The following CFAP299 variants were observed in gnomAD, a reference collection of about 807,000 sequenced individuals.
CFAP299 encodes the protein cilia and flagella associated protein 299, also known as cilia- and flagella-associated protein 299.
Under a neutral mutation model 27.0 loss-of-function variants are expected in CFAP299, and 21 were observed. The observed-to-expected ratio is 0.78, with a 90% CI of 0.55 to 1.12. CFAP299 has a LOEUF of 1.12. CFAP299 is among the 50% of genes most tolerant of loss of function. The probability of loss-of-function intolerance (pLI) is 0.00; values close to 1 mark genes in which losing one functional copy is unlikely to be tolerated. For missense variants in CFAP299, 310 were observed against 276.6 expected (o/e 1.12, Z -0.86); for synonymous variants, 104 against 98.1 (o/e 1.06, Z -0.36).
intron 3 of CFAP299, among the ~76,000 whole-genome samples, chr4:80,636,517 T>C (rs1426571834): frequency 1.3e-5 from 2 of 152,218 alleles, no homozygotes; most frequent in South Asian, 2.1e-4. Context: ...ATATTAGAGA[T>C]TGATAGCATC....
intron 3 of CFAP299, among the ~76,000 whole-genome samples, chr4:80,716,374 A>T (rs1320377567): frequency 6.7e-6 from 1 of 150,146 alleles, no homozygotes; most frequent in Non-Finnish European, 1.5e-5. Context: ...GATAGTATTG[A>T]TATATTCTAT....
intron 2 of CFAP299, among the ~76,000 whole-genome samples, chr4:80,408,354 G>A (rs749940751): frequency 1.2e-4 from 18 of 152,042 alleles, no homozygotes; most frequent in Admixed American, 4.6e-4. Context: ...TTTATGTTCC[G>A]AATCACTAAA....
At chr4:80,377,803 AAAGACATAC>A (rs1395828622) in intron 2 of CFAP299, among the ~76,000 whole-genome samples, 1 of 152,178 alleles carries the variant, frequency 6.6e-6, no homozygotes, top group Admixed American at 6.5e-5. Context: ...TGATCCTAAT[AAAGACATAC>A]TTGAGACTGG....
chr4:80,469,064 T>C (rs1422918882), intron 2 of CFAP299, among the ~76,000 whole-genome samples: 2 of 152,232 alleles, frequency 1.3e-5, no homozygotes, highest in East Asian at 1.9e-4. Flanking sequence ...AAATGTGCTA[T>C]ATATTTAGAA....
At chr4:80,503,022 T>C (rs1322809127) in intron 2 of CFAP299, among the ~76,000 whole-genome samples, 1 of 152,116 alleles carries the variant, frequency 6.6e-6, no homozygotes, top group Admixed American at 6.6e-5. Context: ...AGGTGGAAAT[T>C]GAAGGCAGTG....
At chr4:80,800,484 A>C (rs9686001) in intron 3 of CFAP299, among the ~76,000 whole-genome samples, 1 of 2,182 alleles carries the variant, frequency 4.6e-4, no homozygotes, top group African/African-American at 7.2e-4. Context: ...TATATTATAT[A>C]ATATATAATA....
intron 4 of CFAP299, among the ~76,000 whole-genome samples, chr4:80,898,361 G>C (rs1489048575): frequency 1.3e-5 from 2 of 152,008 alleles, no homozygotes; most frequent in African/African-American, 2.4e-5. Flanking sequence ...CCTTTAAGCT[G>C]TTTCTCTGAA....
chr4:80,809,903 C>CAGAT (rs569102081), intron 3 of CFAP299, among the ~76,000 whole-genome samples: 2 of 152,200 alleles, frequency 1.3e-5, no homozygotes, highest in South Asian at 4.1e-4. Context: ...CATCACTTAC[C>CAGAT]AGATACATCA....
Position 80,409,872 on chromosome 4 carries a change from G to A in CFAP299, c.242+46988G>A, listed in dbSNP as rs1994982. Among the ~76,000 whole-genome samples, 6 of 152,188 alleles carry A rather than the reference G, an allele frequency of 3.9e-5. No individual in the cohort carries two copies. The East Asian group carries it at 9.7e-4, about 25-fold the overall frequency. Reference sequence around the variant, plus strand: ...TCACTTGGAATGTTTTATCAAGAGAGGGATACAGAAGTGAAAAGTAATCTC... The same window carrying A: ...TCACTTGGAATGTTTTATCAAGAGAAGGATACAGAAGTGAAAAGTAATCTC... On this transcript the variant is annotated intron_variant, in intron 2 of 5. Transcript: ENST00000358105.
intron 4 of CFAP299, among the ~76,000 whole-genome samples, chr4:80,936,166 T>A (rs746843229): frequency 2.6e-5 from 4 of 152,086 alleles, no homozygotes; most frequent in African/African-American, 4.8e-5. Flanking sequence ...TGTGGAGAAA[T>A]GGGAATGCAT....
chr4:80,520,112 T>C, intron 2 of CFAP299, among the ~76,000 whole-genome samples: 1 of 152,326 alleles, frequency 6.6e-6, no homozygotes, highest in Non-Finnish European at 1.5e-5. Flanking sequence ...TGATGACTTT[T>C]AAAGCTATTT....
intron 3 of CFAP299, among the ~76,000 whole-genome samples, chr4:80,780,397 T>C (rs1251720232): frequency 6.6e-6 from 1 of 152,106 alleles, no homozygotes; most frequent in Non-Finnish European, 1.5e-5. Context: ...TAAGAAATCT[T>C]AGACAAAGTA....
chr4:80,400,296 A>G (rs1220523491), intron 2 of CFAP299, among the ~76,000 whole-genome samples: 3 of 152,074 alleles, frequency 2.0e-5, no homozygotes, highest in Non-Finnish European at 4.4e-5. Context: ...AACGCTCACA[A>G]CTATCTTGAT....
chr4:80,625,962 G>A (rs985651714), intron 3 of CFAP299, among the ~76,000 whole-genome samples: 1 of 151,808 alleles, frequency 6.6e-6, no homozygotes, highest in African/African-American at 2.4e-5. Flanking sequence ...CCCCACTTCT[G>A]GAAATGGGCA....
chr4:80,333,115 A>G (rs79329954), upstream of CFAP299, among the ~76,000 whole-genome samples: 10,126 of 152,182 alleles, frequency 0.067, 365 homozygotes, highest in Middle Eastern at 0.18. Flanking sequence ...CACACTGTCA[A>G]TGACAAGGCA....
In CFAP299 at chr4:80,441,502, T is replaced by C. The variant is rs992848751; in HGVS notation, c.242+78618T>C. ...ATAAAATCCTTTACAGACAAACAAATGCTGAGAGATTTTGTCATCACCAGG... is the reference window on the plus strand; with the variant it reads ...ATAAAATCCTTTACAGACAAACAAACGCTGAGAGATTTTGTCATCACCAGG... On this transcript the variant is annotated intron_variant, in intron 2 of 5. Coordinates refer to ENST00000358105, the MANE Select transcript of CFAP299 (RefSeq NM_152770.3). Among the ~76,000 whole-genome samples the C allele has an allele frequency of 2.0e-5, 3 of 152,164 alleles. No homozygotes were observed. The East Asian group carries it at 5.8e-4, about 29-fold the overall frequency.
intron 3 of CFAP299, among the ~76,000 whole-genome samples, chr4:80,717,702 T>C (rs1190081239): frequency 6.6e-6 from 1 of 152,158 alleles, no homozygotes; most frequent in African/African-American, 2.4e-5. Context: ...ATGTTTTACA[T>C]TCATTAGTTC....
chr4:80,778,047 A>C (rs1215910825), intron 3 of CFAP299, among the ~76,000 whole-genome samples: 2 of 152,196 alleles, frequency 1.3e-5, no homozygotes, highest in Non-Finnish European at 2.9e-5. Context: ...CTTACACTTC[A>C]ATAAAAAGTC....
At chr4:80,833,605 T>C (rs1730411878) in intron 3 of CFAP299, among the ~76,000 whole-genome samples, 1 of 152,336 alleles carries the variant, frequency 6.6e-6, no homozygotes, top group East Asian at 1.9e-4. Context: ...ATTAAAATTA[T>C]AACTGGGGAT....
Sources: gnomAD v4.1 joint callset for allele counts (sites outside exome capture counted in the v4.1 genomes callset) on GRCh38, gnomAD v4.1.1 for gene constraint, MANE v1.5 for transcripts, NCBI Gene and HGNC (gene_info 2026-07-23, HGNC 2026-07-21) for gene names.